Variants in EGLN1 observed in about 807,000 individuals in gnomAD.
The protein encoded by EGLN1 is egl nine homolog 1.
In EGLN1, 17 loss-of-function variants were observed where a neutral mutation model predicts 38.3. That is an observed-to-expected ratio of 0.44 (90% CI 0.30 to 0.67). EGLN1 has a LOEUF of 0.67. Ranked by LOEUF, EGLN1 falls within the 30% of genes least tolerant of loss-of-function variation. The pLI is 0.08. For synonymous variants in EGLN1, 283 were observed against 257.5 expected (o/e 1.10, Z -0.95); for missense variants, 477 against 603.3 (o/e 0.79, Z 2.19).
Position 231,421,911 on chromosome 1 carries a change from G to A in EGLN1, c.-23C>T, listed in dbSNP as rs557526823. ...CATGGCGGCGGCGGCGGCGGCGACG[G>A]CGACTGCGGCGGCCGAGCAGGAGGG... On this transcript the variant is annotated 5_prime_UTR_variant, in exon 1 of 5. Transcript: ENST00000366641. This position sits in a 1 kb window ranked among gnomAD's most constrained non-coding sequence, Gnocchi z 5.5. 1.0e-4 allele frequency: 138 copies of A among 1,385,428 alleles called. 2 individuals are homozygous for A. The African/African-American group carries it at 1.9e-3, about 19-fold the overall frequency. The allele number at this position is 1,385,428 out of a possible 1,614,324, so 85.8% of individuals were successfully genotyped here. A position where few individuals can be genotyped will look rare whatever the true frequency, so the allele number is the denominator to read the frequency against.
chr1:231,366,511 C>A, intron 4 of EGLN1, 36 bp from the exon 5 acceptor site: 1 of 1,590,676 alleles, frequency 6.3e-7, no homozygotes, highest in Non-Finnish European at 8.6e-7. Flanking sequence ...TTCATTCATT[C>A]ACTAAGCACC....
At chr1:231,378,789 C>T (rs1558381698) in intron 1 of EGLN1, among the ~76,000 whole-genome samples, 1 of 152,046 alleles carries the variant, frequency 6.6e-6, no homozygotes, top group African/African-American at 2.4e-5. Context: ...AACAGGGATA[C>T]AAAGCTTAGA....
intron 1 of EGLN1, among the ~76,000 whole-genome samples, chr1:231,409,224 G>A: frequency 7.0e-6 from 1 of 142,146 alleles, no homozygotes. Flanking sequence ...ACCTTTAGAA[G>A]TCTTAGCCTA....
intron 1 of EGLN1, among the ~76,000 whole-genome samples, chr1:231,418,125 T>C (rs563093986): frequency 1.1e-4 from 17 of 152,350 alleles, no homozygotes; most frequent in South Asian, 2.1e-4. Flanking sequence ...AAATTCTGAA[T>C]TGAAGTCTCC....
At chr1:231,390,728 C>T (rs376869492) in intron 1 of EGLN1, among the ~76,000 whole-genome samples, 107 of 152,334 alleles carry the variant, frequency 7.0e-4, no homozygotes, top group African/African-American at 2.3e-3. Context: ...TTGCTAATAC[C>T]GTTTTGAGGA....
chr1:231,416,287 C>T (rs746250388), intron 1 of EGLN1, among the ~76,000 whole-genome samples: 24 of 152,008 alleles, frequency 1.6e-4, no homozygotes, highest in Non-Finnish European at 2.8e-4. Flanking sequence ...GGGTGAGTTA[C>T]CACATCTGGC....
chr1:231,384,093 G>A lies in EGLN1; in HGVS notation c.892-9994C>T, dbSNP rs372772389. On this transcript the variant is annotated intron_variant, in intron 1 of 4. Coordinates refer to ENST00000366641, the MANE Select transcript of EGLN1 (RefSeq NM_022051.3). Reference sequence around the variant, plus strand: ...AGTCAGAATAAAGGGGAGTGAGAATGGAAAGGACAGGGCAGCTTAGAGCAA... The same window carrying A: ...AGTCAGAATAAAGGGGAGTGAGAATAGAAAGGACAGGGCAGCTTAGAGCAA... Among the ~76,000 whole-genome samples the A allele has an allele frequency of 6.2e-4, 94 of 152,218 alleles. No homozygotes were observed. In the South Asian group the frequency reaches 7.7e-3, roughly 12 times the overall value.
chr1:231,401,635 T>C (rs1688666860), intron 1 of EGLN1, among the ~76,000 whole-genome samples: 1 of 152,210 alleles, frequency 6.6e-6, no homozygotes, highest in African/African-American at 2.4e-5. Context: ...CTGAGATTCA[T>C]CTGAAGTTGC....
chr1:231,379,454 A>G (rs1688030175), intron 1 of EGLN1, among the ~76,000 whole-genome samples: 1 of 152,224 alleles, frequency 6.6e-6, no homozygotes, highest in Admixed American at 6.5e-5. Context: ...CTAATGGTAA[A>G]CCTTGAAATA....
intron 1 of EGLN1, among the ~76,000 whole-genome samples, chr1:231,390,983 G>A (rs922165211): frequency 1.3e-5 from 2 of 152,074 alleles, no homozygotes; most frequent in Non-Finnish European, 2.9e-5. Context: ...GAGTAGCTGG[G>A]ACTACAGACG....
At chr1:231,387,280 A>T (rs1688242954) in intron 1 of EGLN1, among the ~76,000 whole-genome samples, 1 of 151,356 alleles carries the variant, frequency 6.6e-6, no homozygotes. Context: ...TAAAGACAGA[A>T]TACTAAATTA....
intron 1 of EGLN1, among the ~76,000 whole-genome samples, chr1:231,398,803 T>G (rs1006110848): frequency 1.3e-5 from 2 of 152,230 alleles, no homozygotes; most frequent in Admixed American, 6.5e-5. Context: ...TAGTGAGAAC[T>G]GAAGCAAAAG....
chr1:231,387,422 T>C (rs1475108429), intron 1 of EGLN1, among the ~76,000 whole-genome samples: 5 of 151,018 alleles, frequency 3.3e-5, no homozygotes, highest in East Asian at 3.9e-4. Flanking sequence ...TGCAGTGGCT[T>C]GATCTCGGCT....
chr1:231,401,787 T>C (rs1688670302), intron 1 of EGLN1, among the ~76,000 whole-genome samples: 3 of 152,180 alleles, frequency 2.0e-5, no homozygotes, highest in Admixed American at 6.5e-5. Flanking sequence ...ATTCAAGTCT[T>C]TGTATGAACG....
intron 1 of EGLN1, among the ~76,000 whole-genome samples, chr1:231,398,581 G>A (rs956717878): frequency 4.6e-5 from 7 of 152,202 alleles, no homozygotes; most frequent in African/African-American, 1.7e-4. Flanking sequence ...AACAAGGACG[G>A]CAAGGCTCAC....
At position 231,370,578 on chromosome 1, in the gene EGLN1, G is replaced by A. The variant is rs1437849917; in HGVS notation, c.1132C>T (p.Pro378Ser). The change falls in exon 3 of 5, where the codon CCA becomes TCA. Residue 378 changes from proline to serine, a missense_variant. Transcript: ENST00000366641. ...GAATACTACCTTGTAGCATATGCTG[G>A]TTGTACTTCATGAGGGTTGCGACGG... Reference protein sequence around the residue: ...SDRRNPHEVQPAYATRYAITV... With the variant: ...SDRRNPHEVQSAYATRYAITV... The A allele has an allele frequency of 6.2e-7, 1 of 1,613,868 alleles. No individual in the cohort carries two copies. Among genetic ancestry groups the A allele is most frequent in the Non-Finnish European group, 8.5e-7 (1 of 1,180,022 alleles).
intron 3 of EGLN1, among the ~76,000 whole-genome samples, chr1:231,368,554 A>G (rs1254589675): frequency 6.6e-6 from 1 of 152,208 alleles, no homozygotes; most frequent in Non-Finnish European, 1.5e-5. Flanking sequence ...ACTACAAAAG[A>G]CATACTTTCT....
rs191672337 is a variant in EGLN1 at position 231,371,703 on chromosome 1, G to A, written c.1012-1005C>T. The stretch of plus-strand genomic sequence containing the variant: ...CTCTGGGTGCAGAGTAGGGAATAAT[G>A]CAGACAGACTTTGTCCTTGCGGGGT... On this transcript the variant is annotated intron_variant, in intron 2 of 4. Transcript: ENST00000366641. Among the ~76,000 whole-genome samples, 124 of 152,296 alleles carry A rather than the reference G, an allele frequency of 8.1e-4. 1 individual carries two copies. The highest frequency in any genetic ancestry group is 1.3e-3 in the Non-Finnish European group (90 of 68,024).
rs1687619898 is a variant in EGLN1, at chr1:231,365,498, CATG to C, written c.*910_*912del. The C allele has an allele frequency of 6.6e-6, 1 of 152,108 alleles. No homozygotes were observed. Among genetic ancestry groups the C allele is most frequent in the Non-Finnish European group, 1.5e-5 (1 of 68,050 alleles). The allele number at this position is 152,108 out of a possible 1,614,324, so 9.4% of individuals were successfully genotyped here. A position where few individuals can be genotyped will look rare whatever the true frequency, so the allele number is the denominator to read the frequency against. On this transcript the variant is annotated 3_prime_UTR_variant, in exon 5 of 5. Coordinates refer to ENST00000366641, the MANE Select transcript of EGLN1 (RefSeq NM_022051.3). ...ACTAAACATACAAAAATTAGTCAGG[CATG>C]GTGGTGTGTGCCTGCAGTCCCAGCT...
Sources: gnomAD v4.1 joint callset for allele counts (sites outside exome capture counted in the v4.1 genomes callset) on GRCh38, gnomAD v4.1.1 for gene constraint, Gnocchi (gnomAD v3.1) non-coding constraint, MANE v1.5 for transcripts, NCBI Gene and HGNC (gene_info 2026-07-23, HGNC 2026-07-21) for gene names.